PPTC7: variants seen among roughly 807,000 people sequenced by gnomAD.
PPTC7 encodes the protein protein phosphatase PTC7 homolog.
Under a neutral mutation model 30.8 loss-of-function variants are expected in PPTC7, and 6 were observed. The ratio of observed to expected loss-of-function variants is 0.19; its 90% CI spans 0.11 to 0.38. The LOEUF is 0.38. Among genes scored for constraint, PPTC7 ranks in the 10% least tolerant of loss-of-function variants. The probability of loss-of-function intolerance (pLI) is 1.00; values close to 1 mark genes in which losing one functional copy is unlikely to be tolerated. For missense variants in PPTC7, 218 were observed against 404.8 expected, an observed-to-expected ratio of 0.54 and a Z score of 3.96; for synonymous variants, 163 against 168.1, an observed-to-expected ratio of 0.97 and a Z score of 0.23.
intron 3 of PPTC7, 122 bp downstream of exon 3, chr12:110,545,758 G>A (rs2064301285): frequency 2.4e-6 from 2 of 846,980 alleles, no homozygotes; most frequent in South Asian, 1.5e-5. Context: ...TCCTCTTGAT[G>A]AGAACATTCT....
chr12:110,537,540 A>G (rs1468472886), intron 5 of PPTC7, among the ~76,000 whole-genome samples: 1 of 152,232 alleles, frequency 6.6e-6, no homozygotes, highest in African/African-American at 2.4e-5. Flanking sequence ...AGGACTAAGA[A>G]ATGTTTCACA....
chr12:110,538,392 C>T (rs2064234108), intron 4 of PPTC7, 119 bp from the exon 5 acceptor site: 2 of 951,596 alleles, frequency 2.1e-6, no homozygotes, highest in Non-Finnish European at 3.2e-6. Flanking sequence ...AAACATCATG[C>T]CCTGGCTAAT....
chr12:110,537,186 T>C (rs541626587), intron 5 of PPTC7, 91 bp from the exon 6 acceptor site: 2 of 1,013,156 alleles, frequency 2.0e-6, no homozygotes, highest in East Asian at 2.4e-5. Flanking sequence ...AGACAAATGC[T>C]TGCATTCCAG....
At chr12:110,557,263 A>G (rs550090378) in intron 1 of PPTC7, among the ~76,000 whole-genome samples, 1 of 152,332 alleles carries the variant, frequency 6.6e-6, no homozygotes, top group South Asian at 2.1e-4. Flanking sequence ...AAGAAAAACT[A>G]AAATGACTTA....
chr12:110,551,671 ACT>A, intron 2 of PPTC7, 116 bp downstream of exon 2: 1 of 935,992 alleles, frequency 1.1e-6, no homozygotes, highest in Non-Finnish European at 1.6e-6. Context: ...TCTCTATCAC[ACT>A]CTGCTTAGTA....
chr12:110,538,273 T>G lies in PPTC7; in HGVS notation c.727A>C (p.Asn243His). ...TGTTGTATACTCTCATAATTTGAAT[T>G]CTAAGATAAAGCATGAGGAAGTTAT... ...MILQELKKLKNSNYESIQQTA... is the reference protein window; with the variant it reads ...MILQELKKLKHSNYESIQQTA... The change falls in exon 5 of 6, where the codon AAT becomes CAT. Residue 243 changes from asparagine to histidine, a missense_variant and splice_region_variant. Transcript: ENST00000354300. 3 of 1,613,862 alleles carry G rather than the reference T, an allele frequency of 1.9e-6. No homozygotes were observed. Among genetic ancestry groups the G allele is most frequent in the Non-Finnish European group, 2.5e-6 (3 of 1,179,750 alleles).
chr12:110,537,115 CTATCA>C lies in PPTC7; in HGVS notation c.857-25_857-21del. 1 of 1,572,114 alleles carries C rather than the reference CTATCA, an allele frequency of 6.4e-7. No individual in the cohort carries two copies. Among genetic ancestry groups the C allele is most frequent in the Non-Finnish European group, 8.8e-7 (1 of 1,142,530 alleles). On this transcript the variant is annotated intron_variant, in intron 5 of 5. Transcript: ENST00000354300. ...TTCCACCTACAATGAAAATGAGAACCTATCAGTATATTTTAAAAGGAAAAGTCAAT... is the reference window on the plus strand; with the variant it reads ...TTCCACCTACAATGAAAATGAGAACCGTATATTTTAAAAGGAAAAGTCAAT...
At chr12:110,571,613 C>T (rs2064537987) in intron 1 of PPTC7, among the ~76,000 whole-genome samples, 2 of 152,190 alleles carry the variant, frequency 1.3e-5, no homozygotes, top group Non-Finnish European at 2.9e-5. Context: ...GTAATTATTG[C>T]TGCTCACCTC....
chr12:110,550,276 G>A (rs961507117), intron 2 of PPTC7, among the ~76,000 whole-genome samples: 11 of 132,546 alleles, frequency 8.3e-5, no homozygotes, highest in South Asian at 7.1e-4. Context: ...TGTCGCCCAC[G>A]CTGGAGTGCA....
chr12:110,571,811 C>A (rs1476765202), intron 1 of PPTC7, among the ~76,000 whole-genome samples: 1 of 152,090 alleles, frequency 6.6e-6, no homozygotes, highest in African/African-American at 2.4e-5. Context: ...ATGACAGGAT[C>A]AAAATGGCCT....
intron 1 of PPTC7, among the ~76,000 whole-genome samples, chr12:110,565,228 GTACTTTTTTTTTCTTTTTCA>G (rs2064473118): frequency 6.6e-6 from 1 of 151,524 alleles, no homozygotes; most frequent in Non-Finnish European, 1.5e-5. Flanking sequence ...AGGACAATGA[GTACTTTTTTTTTCTTTTTCA>G]TACTTTTTTT....
chr12:110,574,141 T>TAAAAAAAAAAAA (rs58133391), intron 1 of PPTC7, among the ~76,000 whole-genome samples: 17 of 37,444 alleles, frequency 4.5e-4, no homozygotes, highest in African/African-American at 6.7e-4. Flanking sequence ...CCACAATAAT[T>TAAAAAAAAAAAA]AAAAAAAAAA....
At position 110,546,974 on chromosome 12, in the gene PPTC7, G is replaced by GC. The variant is rs774954719; in HGVS notation, c.404-897dup. ...ATTGTTGGCAAAGTGTAGGGAACAT[G>GC]CCCACTGCACAGAACATTCATTCTG... On this transcript the variant is annotated intron_variant, in intron 2 of 5. Transcript: ENST00000354300. 9.0e-4 allele frequency among the ~76,000 whole-genome samples: 137 copies of GC among 152,260 alleles called. 1 individual carries two copies. Among genetic ancestry groups the GC allele is most frequent in the Non-Finnish European group, 7.6e-4 (52 of 68,024 alleles).
chr12:110,574,903 C>G (rs1000967651), intron 1 of PPTC7, among the ~76,000 whole-genome samples: 1 of 151,028 alleles, frequency 6.6e-6, no homozygotes, highest in South Asian at 2.1e-4. Flanking sequence ...CTCAGCCTCC[C>G]TAGTAGCTAG....
chr12:110,546,323 C>A lies in PPTC7; in HGVS notation c.404-245G>T, dbSNP rs909453247. 22 of 500,302 alleles carry A rather than the reference C, an allele frequency of 4.4e-5. No individual in the cohort carries two copies. In the Middle Eastern group the frequency reaches 2.7e-3, roughly 62 times the overall value. The allele number at this position is 500,302 out of a possible 1,614,324, so 31.0% of individuals were successfully genotyped here. ...AATTGGGCCACAGATGATCTGAATT[C>A]TTCCATTTGCATTGACAGAAAGCAA... On this transcript the variant is annotated intron_variant, in intron 2 of 5. Coordinates refer to ENST00000354300, the MANE Select transcript of PPTC7 (RefSeq NM_139283.2).
chr12:110,541,888 G>A (rs1423599327), intron 3 of PPTC7, among the ~76,000 whole-genome samples: 3 of 152,038 alleles, frequency 2.0e-5, no homozygotes, highest in Non-Finnish European at 4.4e-5. Context: ...GCTCACCCCT[G>A]TAATCCCAGC....
chr12:110,542,333 G>C (rs1402222906), intron 3 of PPTC7, among the ~76,000 whole-genome samples: 2 of 151,780 alleles, frequency 1.3e-5, no homozygotes, highest in Non-Finnish European at 2.9e-5. Flanking sequence ...CACAGACATG[G>C]ATGCTTCTAT....
chr12:110,566,221 T>C (rs1315091674), intron 1 of PPTC7, among the ~76,000 whole-genome samples: 1 of 152,218 alleles, frequency 6.6e-6, no homozygotes, highest in Non-Finnish European at 1.5e-5. Context: ...CTTGTTAAGT[T>C]TTTGTTTTAA....
intron 1 of PPTC7, among the ~76,000 whole-genome samples, chr12:110,578,230 G>C (rs2064605337): frequency 6.6e-6 from 1 of 152,176 alleles, no homozygotes. Context: ...GTAGCATAAG[G>C]CTGTGGGAAG....
Sources: gnomAD v4.1 joint callset for allele counts (sites outside exome capture counted in the v4.1 genomes callset) on GRCh38, gnomAD v4.1.1 for gene constraint, MANE v1.5 for transcripts, NCBI Gene and HGNC (gene_info 2026-07-23, HGNC 2026-07-21) for gene names.